The following TVP23A variants were observed in gnomAD, a reference collection of about 807,000 sequenced individuals.
The protein encoded by TVP23A is trans-golgi network vesicle protein 23 homolog A.
A neutral mutation model predicts 31.7 loss-of-function variants in TVP23A; 21 were observed. The ratio of observed to expected loss-of-function variants is 0.66; its 90% confidence interval spans 0.47 to 0.95. TVP23A has a LOEUF of 0.95. Ranked by LOEUF, TVP23A falls within the 40% of genes least tolerant of loss-of-function variation. The pLI is 0.00. For synonymous variants in TVP23A, 104 were observed against 96.0 expected, an observed-to-expected ratio of 1.08 and a Z score of -0.49; for missense variants, 279 against 255.6, an observed-to-expected ratio of 1.09 and a Z score of -0.62.
At chr16:10,795,311 C>A (rs905590983) in intron 2 of TVP23A, among the ~76,000 whole-genome samples, 2 of 150,952 alleles carry the variant, frequency 1.3e-5, no homozygotes, top group East Asian at 3.9e-4. Flanking sequence ...AGTGCAGTGG[C>A]ATGATCTTGG....
intron 7 of TVP23A, 52 bp from the exon 8 acceptor site, chr16:10,769,153 T>G: frequency 6.3e-7 from 1 of 1,576,194 alleles, no homozygotes; most frequent in Non-Finnish European, 8.7e-7. Flanking sequence ...AGGCACTCAC[T>G]GGGCAGCACA....
At chr16:10,772,083 G>A (rs1183042486) in intron 5 of TVP23A, among the ~76,000 whole-genome samples, 1 of 152,182 alleles carries the variant, frequency 6.6e-6, no homozygotes, top group African/African-American at 2.4e-5. Context: ...TTACAGAAAT[G>A]CACCTCTCAA....
At chr16:10,807,184 A>G (rs1217516772) in intron 2 of TVP23A, among the ~76,000 whole-genome samples, 1 of 152,190 alleles carries the variant, frequency 6.6e-6, no homozygotes. Flanking sequence ...TCAACAAAGA[A>G]AAACTAAAAA....
intron 2 of TVP23A, among the ~76,000 whole-genome samples, chr16:10,778,067 C>T (rs1322033259): frequency 6.6e-6 from 1 of 151,898 alleles, no homozygotes; most frequent in Non-Finnish European, 1.5e-5. Flanking sequence ...GGTGTGGTGG[C>T]TCACACCTGT....
intron 2 of TVP23A, among the ~76,000 whole-genome samples, chr16:10,775,744 CTTTT>C (rs1004091841): frequency 1.1e-5 from 1 of 94,560 alleles, no homozygotes; most frequent in Non-Finnish European, 2.1e-5. Context: ...AATTGCTTTT[CTTTT>C]TTTTTTTTTT....
chr16:10,813,725 G>C (rs2034304676), intron 2 of TVP23A, among the ~76,000 whole-genome samples: 1 of 152,008 alleles, frequency 6.6e-6, no homozygotes, highest in Non-Finnish European at 1.5e-5. Flanking sequence ...CCCTTTCTAG[G>C]CCGGGCATGG....
chr16:10,774,260 T>C (rs2031840668), intron 3 of TVP23A, 132 bp from the exon 4 acceptor site: 1 of 587,136 alleles, frequency 1.7e-6, no homozygotes. Context: ...CCTTGAATTG[T>C]AGTGGATTCT....
Position 10,779,008 on chromosome 16 carries a change from C to T in TVP23A, c.90-3912G>A, listed in dbSNP as rs1173568914. Reference sequence around the variant, plus strand: ...AATGTCAAAGTGTGAGCCAAGTGTGCGCTGACCCATGGTAAAATGTGGAAG... The same window carrying T: ...AATGTCAAAGTGTGAGCCAAGTGTGTGCTGACCCATGGTAAAATGTGGAAG... On this transcript the variant is annotated intron_variant, in intron 2 of 7. Coordinates refer to ENST00000299866, the MANE Select transcript of TVP23A (RefSeq NM_001079512.4). The surrounding 1 kb of genome is among the most constrained non-coding windows in gnomAD (Gnocchi z 4.9). Among the ~76,000 whole-genome samples, 2 of 152,144 alleles carry T rather than the reference C, an allele frequency of 1.3e-5. No individual in the cohort carries two copies. The highest frequency in any genetic ancestry group is 4.8e-5 in the African/African-American group (2 of 41,448).
Position 10,769,109 on chromosome 16 carries a change from G to A in TVP23A, c.*1-8C>T, listed in dbSNP as rs1039207477. On this transcript the variant is annotated splice_polypyrimidine_tract_variant and splice_region_variant and intron_variant, in intron 7 of 7. Coordinates refer to ENST00000299866, the MANE Select transcript of TVP23A (RefSeq NM_001079512.4). ...AGAGAACCTCATCAGTTCCTGAAAC[G>A]AGAGAATGTTCAGGACCAAGCAGTT... 8.1e-6 allele frequency: 13 copies of A among 1,613,546 alleles called. No individual in the cohort carries two copies. Among genetic ancestry groups the A allele is most frequent in the South Asian group, 3.3e-5 (3 of 91,062 alleles).
chr16:10,806,158 C>G (rs2033933535), intron 2 of TVP23A, among the ~76,000 whole-genome samples: 1 of 152,174 alleles, frequency 6.6e-6, no homozygotes, highest in African/African-American at 2.4e-5. Context: ...GCCTGGCCAA[C>G]ACAGTGACTC....
At chr16:10,797,889 T>C (rs1428745643) in intron 2 of TVP23A, among the ~76,000 whole-genome samples, 1 of 151,908 alleles carries the variant, frequency 6.6e-6, no homozygotes, top group Non-Finnish European at 1.5e-5. Context: ...GATAGGGACA[T>C]GGGATTCACT....
chr16:10,818,605 T>C lies in TVP23A; in HGVS notation c.-112A>G. The C allele has an allele frequency of 1.4e-6, 2 of 1,384,788 alleles. No individual in the cohort carries two copies. The highest frequency in any genetic ancestry group is 2.6e-5 in the East Asian group (1 of 37,878). The allele number at this position is 1,384,788 out of a possible 1,614,324, so 85.8% of individuals were successfully genotyped here. Reference sequence around the variant, plus strand: ...GATGTAGGCAGCAGACGGTGGACGCTGAGGGTCGGGGCCTGCGCCCTGTGG... The same window carrying C: ...GATGTAGGCAGCAGACGGTGGACGCCGAGGGTCGGGGCCTGCGCCCTGTGG... On this transcript the variant is annotated 5_prime_UTR_variant, in exon 1 of 8. Transcript: ENST00000299866. This position sits in a 1 kb window ranked among gnomAD's most constrained non-coding sequence, Gnocchi z 4.7.
intron 2 of TVP23A, among the ~76,000 whole-genome samples, chr16:10,789,226 C>T (rs927915610): frequency 6.6e-6 from 1 of 152,198 alleles, no homozygotes; most frequent in Admixed American, 6.5e-5. Context: ...AAAGGCACCA[C>T]TCTTAGTGAA....
At position 10,775,090 on chromosome 16, in the gene TVP23A, G is replaced by A; in HGVS notation, c.96C>T (p.Pro32=). The change falls in exon 3 of 8, where the codon CCC becomes CCT. Residue 32 remains proline, a synonymous_variant. Coordinates refer to ENST00000299866, the MANE Select transcript of TVP23A (RefSeq NM_001079512.4). ...LAFRKAKIRH[P]LATFFHLFFR... Reference sequence around the variant, plus strand: ...AAAACAGGTGGAAAAAGGTGGCCAAGGGGTGTCTAGGAAAGGACCCAGAAG... The same window carrying A: ...AAAACAGGTGGAAAAAGGTGGCCAAAGGGTGTCTAGGAAAGGACCCAGAAG... 2 of 1,607,350 alleles carry A rather than the reference G, an allele frequency of 1.2e-6. No individual in the cohort carries two copies. Among genetic ancestry groups the A allele is most frequent in the Non-Finnish European group, 1.7e-6 (2 of 1,176,966 alleles).
In TVP23A at chr16:10,818,397, C is replaced by T; in HGVS notation, c.9+88G>A. 6.5e-7 allele frequency: 1 copy of T among 1,544,166 alleles called. No individual in the cohort carries two copies. Among genetic ancestry groups the T allele is most frequent in the Non-Finnish European group, 8.8e-7 (1 of 1,141,840 alleles). ...AGCCCAGCCCCAGGCCCCGGCGCAT[C>T]CCTCCTCCTCCTCCCGGCTTCTCCA... On this transcript the variant is annotated intron_variant, in intron 1 of 7. Transcript: ENST00000299866. This position sits in a 1 kb window ranked among gnomAD's most constrained non-coding sequence, Gnocchi z 4.7.
chr16:10,767,943 T>C lies in TVP23A; in HGVS notation c.*1159A>G, dbSNP rs913127148. The C allele has an allele frequency of 1.9e-6, 3 of 1,614,060 alleles. No individual in the cohort carries two copies. The highest frequency in any genetic ancestry group is 2.5e-6 in the Non-Finnish European group (3 of 1,179,920). ...TGAATTGTCTTCCGTTTGTTTCTTT[T>C]TTAAGGTAAGAATTGTGACAAAGGC... On this transcript the variant is annotated 3_prime_UTR_variant, in exon 8 of 8. Coordinates refer to ENST00000299866, the MANE Select transcript of TVP23A (RefSeq NM_001079512.4). The surrounding 1 kb of genome is among the most constrained non-coding windows in gnomAD (Gnocchi z 4.6).
rs749777692 is a variant in TVP23A at position 10,773,324 on chromosome 16, G to A, written c.442C>T (p.Leu148=). The A allele has an allele frequency of 1.2e-6, 2 of 1,606,576 alleles. No homozygotes were observed. The highest frequency in any genetic ancestry group is 2.7e-5 in the African/African-American group (2 of 74,538). The change falls in exon 5 of 8, where the codon CTA becomes TTA. Residue 148 remains leucine, a synonymous_variant. Coordinates refer to ENST00000299866, the MANE Select transcript of TVP23A (RefSeq NM_001079512.4). ...FFFSTLFSLK[L]KWLALVVAGI... ...AGATCTGGCCTTACCAGCCACTTTA[G>A]CTTCAAGGAAAATAAGGTGCTAAAA... is the stretch of plus-strand genomic sequence containing the variant.
At chr16:10,805,145 C>T (rs1169206085) in intron 2 of TVP23A, among the ~76,000 whole-genome samples, 2 of 152,036 alleles carry the variant, frequency 1.3e-5, no homozygotes, top group African/African-American at 4.8e-5. Context: ...GATTCTTGTG[C>T]CTCAGCCTCC....
At chr16:10,784,898 C>T (rs1196120667) in intron 2 of TVP23A, among the ~76,000 whole-genome samples, 1 of 151,814 alleles carries the variant, frequency 6.6e-6, no homozygotes, top group Non-Finnish European at 1.5e-5. Flanking sequence ...GTCAGGAATT[C>T]AAGACCAGCC....
Sources: gnomAD v4.1 joint callset for allele counts (sites outside exome capture counted in the v4.1 genomes callset) on GRCh38, gnomAD v4.1.1 for gene constraint, Gnocchi (gnomAD v3.1) non-coding constraint, MANE v1.5 for transcripts, NCBI Gene and HGNC (gene_info 2026-07-23, HGNC 2026-07-21) for gene names.